The following JAZF1 variants were observed in gnomAD, a reference collection of about 807,000 sequenced individuals.
JAZF1 encodes juxtaposed with another zinc finger protein 1.
Under a neutral mutation model 26.4 loss-of-function variants are expected in JAZF1, and 8 were observed. That is an observed-to-expected ratio of 0.30 (90% CI 0.18 to 0.55). The LOEUF is 0.55. JAZF1 is among the 20% of genes least tolerant of loss of function. JAZF1 has a pLI of 0.94. For synonymous variants in JAZF1, 126 were observed against 122.3 expected (o/e 1.03, Z -0.20); for missense variants, 199 against 322.0 (o/e 0.62, Z 2.92).
chr7:27,954,164 C>A (rs773587911), intron 2 of JAZF1, among the ~76,000 whole-genome samples: 1 of 152,308 alleles, frequency 6.6e-6, no homozygotes, highest in South Asian at 2.1e-4. Context: ...TCTGTAGTAG[C>A]CCAGCTCAGG....
chr7:27,910,403 CTACTT>C (rs1239504526), intron 2 of JAZF1, among the ~76,000 whole-genome samples: 1 of 152,178 alleles, frequency 6.6e-6, no homozygotes, highest in Admixed American at 6.5e-5. Flanking sequence ...AAGAATGTCA[CTACTT>C]AACTGCTAAT....
intron 2 of JAZF1, among the ~76,000 whole-genome samples, chr7:27,953,300 A>G (rs1279834401): frequency 6.6e-6 from 1 of 152,244 alleles, no homozygotes; most frequent in Non-Finnish European, 1.5e-5. Flanking sequence ...TTTGTTAACT[A>G]TAGCCAAGAG....
chr7:28,180,025 G>T (rs1376331764), intron 1 of JAZF1, among the ~76,000 whole-genome samples: 1 of 141,878 alleles, frequency 7.0e-6, no homozygotes, highest in African/African-American at 2.6e-5. Flanking sequence ...TGCCCTCAGC[G>T]CCTCGGGCTA....
intron 1 of JAZF1, among the ~76,000 whole-genome samples, chr7:28,095,810 G>A (rs1389413119): frequency 6.6e-6 from 1 of 152,218 alleles, no homozygotes; most frequent in Non-Finnish European, 1.5e-5. Context: ...AACAACAGAA[G>A]CAATTCTGGA....
chr7:27,865,358 G>A (rs960751526), intron 3 of JAZF1, among the ~76,000 whole-genome samples: 2 of 152,122 alleles, frequency 1.3e-5, no homozygotes, highest in Non-Finnish European at 2.9e-5. Context: ...GTGACAGAGT[G>A]AGACCCTGTC....
intron 1 of JAZF1, among the ~76,000 whole-genome samples, chr7:28,153,340 A>T (rs1037737120): frequency 5.9e-5 from 9 of 152,202 alleles, no homozygotes; most frequent in Non-Finnish European, 1.2e-4. Context: ...ATTAGCAACA[A>T]TGTATTTTAT....
chr7:28,175,751 A>G (rs1347941044), intron 1 of JAZF1, among the ~76,000 whole-genome samples: 1 of 152,220 alleles, frequency 6.6e-6, no homozygotes, highest in Non-Finnish European at 1.5e-5. Flanking sequence ...GGCAACTGGC[A>G]TAGGCTTAGC....
At chr7:28,150,639 G>A (rs528943892) in intron 1 of JAZF1, among the ~76,000 whole-genome samples, 4 of 152,332 alleles carry the variant, frequency 2.6e-5, no homozygotes, top group East Asian at 1.9e-4. Flanking sequence ...GGCACAGGAA[G>A]GGGCTTTCCT....
chr7:28,005,395 G>C (rs1342755759), intron 1 of JAZF1, among the ~76,000 whole-genome samples: 1 of 151,098 alleles, frequency 6.6e-6, no homozygotes, highest in East Asian at 1.9e-4. Flanking sequence ...CTATCTCCCA[G>C]GGAAGCCGAA....
chr7:27,985,243 A>T (rs1371650414), intron 2 of JAZF1, among the ~76,000 whole-genome samples: 1 of 152,206 alleles, frequency 6.6e-6, no homozygotes, highest in Non-Finnish European at 1.5e-5. Flanking sequence ...AGAATCAAAT[A>T]GATGCAATAA....
rs111359758 is a variant in JAZF1, at chr7:27,921,335, C to CTTTTT, written c.189-25924_189-25920dup. Among the ~76,000 whole-genome samples the CTTTTT allele has an allele frequency of 7.7e-3, 1,077 of 139,710 alleles. 8 individuals are homozygous for CTTTTT. The highest frequency in any genetic ancestry group is 0.013 in the Non-Finnish European group (817 of 63,790). 91.7% of individuals were successfully genotyped at this position (139,710 alleles called of 152,430 possible). ...TCCCCTTCCCCCTTCCAGCAAGTAT[C>CTTTTT]TTTTTTTTTTTTTTTCCTTTTTACA... is the stretch of plus-strand genomic sequence containing the variant. On this transcript the variant is annotated intron_variant, in intron 2 of 4. Transcript: ENST00000283928.
intron 2 of JAZF1, among the ~76,000 whole-genome samples, chr7:27,980,400 CTATTATGTTCAACA>C (rs1270151969): frequency 6.6e-6 from 1 of 152,032 alleles, no homozygotes; most frequent in Non-Finnish European, 1.5e-5. Flanking sequence ...CTGTAAATAT[CTATTATGTTCAACA>C]TATTATGTTC....
At chr7:27,999,169 G>A (rs986462635) in intron 1 of JAZF1, among the ~76,000 whole-genome samples, 1 of 152,158 alleles carries the variant, frequency 6.6e-6, no homozygotes, top group Non-Finnish European at 1.5e-5. Context: ...CCTGGAAACT[G>A]GGGTGCTGAG....
rs149501963 is a variant in JAZF1, at chr7:27,863,590, T to TC, written c.386-22724dup. On this transcript the variant is annotated intron_variant, in intron 3 of 4. Coordinates refer to ENST00000283928, the MANE Select transcript of JAZF1 (RefSeq NM_175061.4). ...CTGTTTTCGTCTTTGCCATCCTTCT[T>TC]CCCCCAGCACTGGAATGCAAGCTCT... Among the ~76,000 whole-genome samples the TC allele has an allele frequency of 7.3e-3, 1,115 of 152,190 alleles. 11 individuals are homozygous for TC. Among genetic ancestry groups the TC allele is most frequent in the African/African-American group, 0.022 (915 of 41,504 alleles).
intron 1 of JAZF1, among the ~76,000 whole-genome samples, chr7:28,179,857 T>TGGCGGCGGCGGC (rs568494715): frequency 7.1e-6 from 1 of 141,710 alleles, no homozygotes; most frequent in African/African-American, 2.6e-5. Flanking sequence ...CAGGACGCAG[T>TGGCGGCGGCGGC]GGCGGCGGCG....
intron 1 of JAZF1, among the ~76,000 whole-genome samples, chr7:28,022,990 G>A (rs536440303): frequency 1.3e-3 from 194 of 152,314 alleles, no homozygotes; most frequent in African/African-American, 4.3e-3. Context: ...GATGTGAGGT[G>A]AAGTCTTTAT....
intron 1 of JAZF1, among the ~76,000 whole-genome samples, chr7:28,119,127 C>T (rs1220703426): frequency 6.6e-6 from 1 of 152,068 alleles, no homozygotes; most frequent in African/African-American, 2.4e-5. Context: ...CCCCAGGCAG[C>T]CCCCGGTCTC....
Position 28,144,985 on chromosome 7 carries a change from C to T in JAZF1, c.115+35478G>A, listed in dbSNP as rs549304384. The stretch of plus-strand genomic sequence containing the variant: ...TTTACTTACAGTTAGGAGATGAGAT[C>T]ACTCTCCTCTTCTGTTTTAAAAATC... On this transcript the variant is annotated intron_variant, in intron 1 of 4. Transcript: ENST00000283928. Among the ~76,000 whole-genome samples, 5 of 152,288 alleles carry T rather than the reference C, an allele frequency of 3.3e-5. No homozygotes were observed. The South Asian group carries it at 1.0e-3, about 32-fold the overall frequency.
At chr7:27,907,000 A>T (rs1428041208) in intron 2 of JAZF1, among the ~76,000 whole-genome samples, 1 of 152,194 alleles carries the variant, frequency 6.6e-6, no homozygotes, top group Non-Finnish European at 1.5e-5. Flanking sequence ...TGCTAATGAG[A>T]TGATGCGTAA....
Sources: gnomAD v4.1 joint callset for allele counts (sites outside exome capture counted in the v4.1 genomes callset) on GRCh38, gnomAD v4.1.1 for gene constraint, MANE v1.5 for transcripts, NCBI Gene and HGNC (gene_info 2026-07-23, HGNC 2026-07-21) for gene names.